GREB1: variants seen among roughly 807,000 people sequenced by gnomAD.
GREB1 encodes growth regulating estrogen receptor binding 1, also known as protein GREB1.
In GREB1, 106 loss-of-function variants were observed where a neutral mutation model predicts 200.7. The observed-to-expected ratio is 0.53, with a 90% CI of 0.45 to 0.62. GREB1 has a LOEUF of 0.62. GREB1 is among the 20% of genes least tolerant of loss of function. The probability of loss-of-function intolerance (pLI) is 0.00; values close to 1 mark genes in which losing one functional copy is unlikely to be tolerated. For missense variants in GREB1, 2,243 were observed against 2,556.8 expected (o/e 0.88, Z 2.65); for synonymous variants, 1,132 against 1,092.4 (o/e 1.04, Z -0.72).
intron 25 of GREB1, 44 bp downstream of exon 25, chr2:11,627,148 C>G: frequency 6.6e-7 from 1 of 1,520,160 alleles, no homozygotes; most frequent in Non-Finnish European, 8.9e-7. Flanking sequence ...CCTTGGCTCA[C>G]ATTGTCCGTT....
Position 11,618,566 on chromosome 2 carries a change from T to G in GREB1, c.3691T>G (p.Ser1231Ala). 1 of 1,612,944 alleles carries G rather than the reference T, an allele frequency of 6.2e-7. No homozygotes were observed. Among genetic ancestry groups the G allele is most frequent in the Non-Finnish European group, 8.5e-7 (1 of 1,179,862 alleles). The change falls in exon 22 of 33, where the codon TCA (serine) becomes GCA (alanine). Residue 1231 changes from serine (S) to alanine (A), a missense_variant. Physicochemically the swap from Ser to Ala is moderately conservative, Grantham distance 99 (BLOSUM62 1). Coordinates refer to ENST00000381486, the MANE Select transcript of GREB1 (RefSeq NM_014668.4). ...GTCCTCCTCCTCGGGCTCATCCTCC[T>G]CATCCGTGGCGCCCGCTGCCGGCAC... is the stretch of plus-strand genomic sequence containing the variant. ...QLSSSSGSSS[S>A]SVAPAAGTWV...
intron 10 of GREB1, chr2:11,591,300 A>G: frequency 1.4e-6 from 1 of 704,226 alleles, no homozygotes; most frequent in Non-Finnish European, 2.7e-6. Context: ...TGCATCAGGA[A>G]ACCATGGGAG....
At chr2:11,587,639 C>T in intron 9 of GREB1, 1 of 1,378,246 alleles carries the variant, frequency 7.3e-7, no homozygotes. Context: ...TAACACACAG[C>T]CGAAGTCAGA....
In GREB1 at chr2:11,595,385, C is replaced by G; in HGVS notation, c.1825+6C>G. ...CTTTAGCACCCTCTGTCCAGGTAGG[C>G]TTGTCGTGAGACAGGTGCACATGCG... On this transcript the variant is annotated splice_donor_region_variant and intron_variant, in intron 12 of 32. Transcript: ENST00000381486. 1.2e-6 allele frequency: 2 copies of G among 1,612,338 alleles called. No homozygotes were observed. The highest frequency in any genetic ancestry group is 1.7e-6 in the Non-Finnish European group (2 of 1,178,854).
intron 1 of GREB1, among the ~76,000 whole-genome samples, chr2:11,526,578 G>T (rs1342376836): frequency 6.8e-6 from 1 of 147,818 alleles, no homozygotes; most frequent in African/African-American, 2.5e-5. Flanking sequence ...TTTTTAGAGA[G>T]AGAGTCTCAC....
intron 10 of GREB1, among the ~76,000 whole-genome samples, chr2:11,589,965 G>T (rs144625828): frequency 7.9e-5 from 12 of 152,242 alleles, no homozygotes; most frequent in Non-Finnish European, 1.6e-4. Flanking sequence ...CAGGAGAGGT[G>T]GAGGCTCTAG....
intron 11 of GREB1, among the ~76,000 whole-genome samples, chr2:11,593,335 G>A (rs1558602544): frequency 6.6e-6 from 1 of 152,214 alleles, no homozygotes; most frequent in South Asian, 2.1e-4. Context: ...TGGCTGGTGA[G>A]GTTAGCCCTG....
chr2:11,557,154 A>G (rs1676505275), intron 2 of GREB1, among the ~76,000 whole-genome samples: 1 of 152,210 alleles, frequency 6.6e-6, no homozygotes, highest in Admixed American at 6.5e-5. Context: ...ATATCTTTGC[A>G]AAGTAATAGT....
At chr2:11,533,625 T>A (rs1333679154), upstream of GREB1, among the ~76,000 whole-genome samples, 1 of 152,240 alleles carries the variant, frequency 6.6e-6, no homozygotes, top group Non-Finnish European at 1.5e-5. Flanking sequence ...ATACACAGAT[T>A]GCTACCAACA....
upstream of GREB1, among the ~76,000 whole-genome samples, chr2:11,530,208 C>T (rs1674021458): frequency 6.6e-6 from 1 of 151,924 alleles, no homozygotes; most frequent in African/African-American, 2.4e-5. Flanking sequence ...ACTACAGGTG[C>T]AAGCCACCAC....
At chr2:11,630,256 T>C in intron 26 of GREB1, 147 bp downstream of exon 26, 1 of 684,238 alleles carries the variant, frequency 1.5e-6, no homozygotes, top group South Asian at 2.0e-5. Flanking sequence ...GCACGGGCTC[T>C]GGAGTCACTC....
At chr2:11,584,622 G>A (rs188189586) in intron 7 of GREB1, among the ~76,000 whole-genome samples, 92 of 152,316 alleles carry the variant, frequency 6.0e-4, no homozygotes, top group African/African-American at 2.0e-3. Flanking sequence ...CCCACAATTC[G>A]TTGCACAAAG....
intron 2 of GREB1, among the ~76,000 whole-genome samples, chr2:11,557,026 G>A (rs1226757347): frequency 6.6e-6 from 1 of 152,202 alleles, no homozygotes; most frequent in African/African-American, 2.4e-5. Context: ...TTCTCAATCG[G>A]TTGTTACTTA....
At chr2:11,593,834 G>C (rs958804052) in intron 11 of GREB1, among the ~76,000 whole-genome samples, 1 of 152,104 alleles carries the variant, frequency 6.6e-6, no homozygotes, top group African/African-American at 2.4e-5. Flanking sequence ...TAGAGGCTGG[G>C]GGCCCACAGG....
At chr2:11,615,769 C>T (rs888889125) in intron 20 of GREB1, among the ~76,000 whole-genome samples, 3 of 152,182 alleles carry the variant, frequency 2.0e-5, no homozygotes, top group African/African-American at 7.2e-5. Flanking sequence ...TCTGATGCCG[C>T]CTTTTTAATA....
chr2:11,596,100 G>A lies in GREB1; in HGVS notation c.1826-11G>A. The A allele has an allele frequency of 6.2e-7, 1 of 1,610,894 alleles. No homozygotes were observed. Among genetic ancestry groups the A allele is most frequent in the Admixed American group, 1.7e-5 (1 of 59,898 alleles). ...CATCAAAAACCCATTTGTTTATTCT[G>A]TCTTGGGCAGAGGGTGACATTGACA... On this transcript the variant is annotated splice_polypyrimidine_tract_variant and intron_variant, in intron 12 of 32. Transcript: ENST00000381486.
At chr2:11,620,267 AC>A (rs1683893867) in intron 22 of GREB1, among the ~76,000 whole-genome samples, 1 of 152,096 alleles carries the variant, frequency 6.6e-6, no homozygotes, top group Non-Finnish European at 1.5e-5. Flanking sequence ...GAGCCAGGAA[AC>A]CCACGCCTGT....
chr2:11,560,847 C>G (rs1676948042), intron 2 of GREB1, among the ~76,000 whole-genome samples: 1 of 151,952 alleles, frequency 6.6e-6, no homozygotes, highest in Non-Finnish European at 1.5e-5. Context: ...AGATTTTTAC[C>G]CCAAATGTCT....
chr2:11,588,497 G>A (rs974734602), intron 9 of GREB1: 4 of 540,622 alleles, frequency 7.4e-6, no homozygotes, highest in Non-Finnish European at 1.3e-5. Flanking sequence ...TAAAAAATAA[G>A]AGGATTGGAC....
Sources: allele counts gnomAD v4.1 joint callset (sites outside exome capture counted in the v4.1 genomes callset), GRCh38; gene constraint gnomAD v4.1.1; transcripts MANE v1.5; gene names NCBI Gene and HGNC (gene_info 2026-07-23, HGNC 2026-07-21).